Variants in RGS6 observed in about 807,000 individuals in gnomAD.
The protein encoded by RGS6 is regulator of G-protein signaling 6.
In RGS6, 30 loss-of-function variants were observed where a neutral mutation model predicts 78.5. That is an observed-to-expected ratio of 0.38 (90% CI 0.29 to 0.52). The LOEUF is 0.52. Ranked by LOEUF, RGS6 falls within the 20% of genes least tolerant of loss-of-function variation. The pLI is 0.85. For missense variants in RGS6, 495 were observed against 609.7 expected (o/e 0.81, Z 1.98); for synonymous variants, 206 against 206.0 (o/e 1.00, Z 0.00).
At chr14:72,470,686 C>T (rs891868832) in intron 8 of RGS6, among the ~76,000 whole-genome samples, 1 of 151,942 alleles carries the variant, frequency 6.6e-6, no homozygotes, top group African/African-American at 2.4e-5. Flanking sequence ...TCGAGACCAA[C>T]CTGACTAACA....
intron 1 of RGS6, among the ~76,000 whole-genome samples, chr14:71,950,461 TA>T (rs2152992205): frequency 6.6e-6 from 1 of 152,034 alleles, no homozygotes; most frequent in African/African-American, 2.4e-5. Context: ...CCAAAAACTA[TA>T]AAAACCCTAG....
chr14:72,411,792 G>C (rs2153056632), intron 3 of RGS6, among the ~76,000 whole-genome samples: 1 of 152,252 alleles, frequency 6.6e-6, no homozygotes, highest in South Asian at 2.1e-4. Flanking sequence ...GTTGAATTTT[G>C]TCAAAGGCCT....
chr14:72,372,614 G>T (rs965542992), intron 3 of RGS6, among the ~76,000 whole-genome samples: 3 of 152,188 alleles, frequency 2.0e-5, no homozygotes, highest in African/African-American at 4.8e-5. Context: ...TGTAGGGTAG[G>T]TTGGGAGTCA....
intron 3 of RGS6, among the ~76,000 whole-genome samples, chr14:72,431,359 A>G (rs1318238118): frequency 6.6e-6 from 1 of 151,606 alleles, no homozygotes; most frequent in Non-Finnish European, 1.5e-5. Flanking sequence ...TTGGCTCTTC[A>G]TTTTTCTTTT....
intron 3 of RGS6, among the ~76,000 whole-genome samples, chr14:72,371,369 T>C (rs1443099610): frequency 6.6e-6 from 1 of 152,078 alleles, no homozygotes; most frequent in Non-Finnish European, 1.5e-5. Context: ...AAATGCTAAG[T>C]GGAATGAAGG....
intron 2 of RGS6, among the ~76,000 whole-genome samples, chr14:72,134,698 C>A (rs1343137356): frequency 1.3e-5 from 2 of 152,122 alleles, no homozygotes; most frequent in Admixed American, 6.6e-5. Flanking sequence ...AGCTGGAGAA[C>A]CAGAAGAGCT....
At chr14:72,593,773 T>C in the RGS6 span, among the ~76,000 whole-genome samples, 2 of 152,120 alleles carry the variant, frequency 1.3e-5, no homozygotes, top group Admixed American at 1.3e-4. Context: ...TTCCCAAACA[T>C]CTCCAGTGAT....
chr14:72,122,548 G>A (rs1407458624), intron 2 of RGS6, among the ~76,000 whole-genome samples: 1 of 152,104 alleles, frequency 6.6e-6, no homozygotes, highest in Non-Finnish European at 1.5e-5. Flanking sequence ...TAGCTTTCTT[G>A]CATTTCCTTT....
chr14:72,023,385 G>A (rs976453138), intron 2 of RGS6, among the ~76,000 whole-genome samples: 2 of 152,060 alleles, frequency 1.3e-5, no homozygotes, highest in African/African-American at 4.8e-5. Context: ...TGAGTCATCA[G>A]TAGGGACTCC....
chr14:72,376,564 A>G (rs141304933), intron 3 of RGS6, among the ~76,000 whole-genome samples: 2 of 152,322 alleles, frequency 1.3e-5, no homozygotes, highest in East Asian at 3.9e-4. Context: ...TCAAAAGTCA[A>G]AGACAAACAG....
rs549868454 is a variant in RGS6 at position 72,207,476 on chromosome 14, A to G, written c.85-144619A>G. Reference sequence around the variant, plus strand: ...CTAGATTGTCCACCCTTTATGCCTAATCTCTGTCATTGTCTTGAATAAAAT... The same window carrying G: ...CTAGATTGTCCACCCTTTATGCCTAGTCTCTGTCATTGTCTTGAATAAAAT... On this transcript the variant is annotated intron_variant, in intron 2 of 17. Coordinates refer to ENST00000553525, the MANE Select transcript of RGS6 (RefSeq NM_001204424.2). 2.0e-5 allele frequency among the ~76,000 whole-genome samples: 3 copies of G among 152,274 alleles called. No individual in the cohort carries two copies. In the South Asian group the frequency reaches 6.2e-4, roughly 32 times the overall value.
chr14:72,447,501 G>A (rs374742681), intron 3 of RGS6, among the ~76,000 whole-genome samples: 1 of 152,142 alleles, frequency 6.6e-6, no homozygotes, highest in Admixed American at 6.5e-5. Context: ...AAGCTGATAA[G>A]TAACACAAGG....
chr14:72,103,050 G>C (rs1168292414), intron 2 of RGS6, among the ~76,000 whole-genome samples: 1 of 152,142 alleles, frequency 6.6e-6, no homozygotes, highest in Non-Finnish European at 1.5e-5. Context: ...TACCTTAGGA[G>C]GAATTTGAGA....
At chr14:72,490,829 A>G (rs1317079557) in intron 12 of RGS6, among the ~76,000 whole-genome samples, 2 of 152,198 alleles carry the variant, frequency 1.3e-5, no homozygotes, top group African/African-American at 4.8e-5. Flanking sequence ...GATGAATAAA[A>G]CATCTTGTGT....
chr14:72,016,657 G>A (rs535931582), intron 2 of RGS6, among the ~76,000 whole-genome samples: 14 of 152,120 alleles, frequency 9.2e-5, no homozygotes, highest in South Asian at 2.1e-4. Context: ...GAGCCACCGC[G>A]CCCGACTGTT....
intron 1 of RGS6, among the ~76,000 whole-genome samples, chr14:71,954,344 C>T (rs1407705081): frequency 6.6e-6 from 1 of 151,606 alleles, no homozygotes; most frequent in Non-Finnish European, 1.5e-5. Context: ...CCTGAATATT[C>T]TGCTCTGGTT....
At chr14:72,129,658 C>T (rs533676209) in intron 2 of RGS6, among the ~76,000 whole-genome samples, 1 of 152,304 alleles carries the variant, frequency 6.6e-6, no homozygotes, top group African/African-American at 2.4e-5. Context: ...CTCAGGGCCT[C>T]TGCTCTTTGT....
chr14:72,247,810 G>C (rs531264297), intron 2 of RGS6, among the ~76,000 whole-genome samples: 2 of 152,150 alleles, frequency 1.3e-5, no homozygotes, highest in African/African-American at 4.8e-5. Flanking sequence ...CTTGTGGACT[G>C]TCTTATTCTT....
At chr14:72,017,941 C>T (rs767913076) in intron 2 of RGS6, among the ~76,000 whole-genome samples, 7 of 152,182 alleles carry the variant, frequency 4.6e-5, no homozygotes, top group African/African-American at 7.2e-5. Flanking sequence ...CCACACCTCA[C>T]AGGCCCCAGT....
Sources: gnomAD v4.1 joint callset for allele counts (sites outside exome capture counted in the v4.1 genomes callset) on GRCh38, gnomAD v4.1.1 for gene constraint, MANE v1.5 for transcripts, NCBI Gene and HGNC (gene_info 2026-07-23, HGNC 2026-07-21) for gene names.